SLC2A7: variants seen among roughly 807,000 people sequenced by gnomAD.
The protein encoded by SLC2A7 is solute carrier family 2, facilitated glucose transporter member 7.
A neutral mutation model predicts 50.5 loss-of-function variants in SLC2A7; 50 were observed. That is an observed-to-expected ratio of 0.99 (90% CI 0.79 to 1.25). The LOEUF is 1.25. Among genes scored for constraint, SLC2A7 ranks in the 50% most tolerant of loss-of-function variants. The pLI is 0.00. For missense variants in SLC2A7, 683 were observed against 679.1 expected (o/e 1.01, Z -0.06); for synonymous variants, 308 against 300.4 (o/e 1.03, Z -0.26).
At chr1:8,998,615 C>G (rs1439502339), downstream of SLC2A7, among the ~76,000 whole-genome samples, 1 of 152,074 alleles carries the variant, frequency 6.6e-6, no homozygotes, top group Non-Finnish European at 1.5e-5. Flanking sequence ...ATTCTAGTTT[C>G]TTTGCATTTC....
rs201609038 is a variant in SLC2A7 at position 9,020,673 on chromosome 1, C to CTT, written c.312-1341_312-1340insAA. Among the ~76,000 whole-genome samples the CTT allele has an allele frequency of 1.4e-3, 195 of 138,348 alleles. 9 individuals carry two copies. The highest frequency in any genetic ancestry group is 3.7e-3 in the East Asian group (17 of 4,626). The allele number at this position is 138,348 out of a possible 152,430, so 90.8% of individuals were successfully genotyped here. The stretch of plus-strand genomic sequence containing the variant: ...GCTGGCTGGTGCATCCTGATATTCT[C>CTT]TCTTTTTTTTTTTTTTGAGATGGAG... On this transcript the variant is annotated intron_variant, in intron 3 of 11. Transcript: ENST00000400906.
downstream of SLC2A7, among the ~76,000 whole-genome samples, chr1:9,001,512 G>A (rs757369909): frequency 6.7e-5 from 10 of 150,078 alleles, no homozygotes; most frequent in African/African-American, 1.5e-4. Flanking sequence ...TCTGCCTCTC[G>A]GGCTCAAGCA....
chr1:9,023,326 G>T (rs1045268343), intron 2 of SLC2A7, among the ~76,000 whole-genome samples: 1 of 152,224 alleles, frequency 6.6e-6, no homozygotes, highest in East Asian at 1.9e-4. Context: ...ATTTACTTTT[G>T]GCCGGACGCA....
chr1:9,010,367 CT>C (rs1020726395), intron 8 of SLC2A7, 123 bp from the exon 9 acceptor site: 437 of 749,662 alleles, frequency 5.8e-4, no homozygotes, highest in Middle Eastern at 1.2e-3. Flanking sequence ...GTCTTTCTTT[CT>C]TTTTTTTTAA....
Position 9,003,372 on chromosome 1 carries a change from A to C in SLC2A7, c.1467T>G (p.Leu489=). The change falls in exon 12 of 12, where the codon CTT becomes CTG. Residue 489 remains leucine, a synonymous_variant. Transcript: ENST00000400906. The stretch of plus-strand genomic sequence containing the variant: ...CAATGGTTTCTTCTTTCTCCTCTGG[A>C]AGCTTCACCCTGTTTCTCTTGGCAA... ...RIFAKRNRVK[L]PEEKEETIDA... 6.2e-7 allele frequency: 1 copy of C among 1,614,166 alleles called. No individual in the cohort carries two copies. The highest frequency in any genetic ancestry group is 8.5e-7 in the Non-Finnish European group (1 of 1,180,034).
At chr1:9,002,058 T>G (rs1199310029), downstream of SLC2A7, among the ~76,000 whole-genome samples, 1 of 145,262 alleles carries the variant, frequency 6.9e-6, no homozygotes, top group Non-Finnish European at 1.5e-5. Context: ...GCAGTGTGCT[T>G]GGTAAAAGTC....
rs1367853485 is a variant in SLC2A7 at position 9,008,079 on chromosome 1, C to T, written c.1117-694G>A. 6.6e-6 allele frequency among the ~76,000 whole-genome samples: 1 copy of T among 152,092 alleles called. No homozygotes were observed. Among genetic ancestry groups the T allele is most frequent in the Admixed American group, 6.6e-5 (1 of 15,256 alleles). On this transcript the variant is annotated intron_variant, in intron 9 of 11. Coordinates refer to ENST00000400906, the MANE Select transcript of SLC2A7 (RefSeq NM_207420.3). The surrounding 1 kb of genome is among the most constrained non-coding windows in gnomAD (Gnocchi z 5.9). The stretch of plus-strand genomic sequence containing the variant: ...CTGGAGACTCCTAGGACCCCCGGAC[C>T]CGTGGAGCTGGCAGACCACCATCTC...
At chr1:9,025,758 G>GGAACT (rs1640989427) in intron 1 of SLC2A7, among the ~76,000 whole-genome samples, 1 of 152,140 alleles carries the variant, frequency 6.6e-6, no homozygotes, top group Non-Finnish European at 1.5e-5. Flanking sequence ...AGCTTGGAGG[G>GGAACT]GAACTGGCCT....
Position 9,008,927 on chromosome 1 carries a change from G to A in SLC2A7, c.1116+1216C>T, listed in dbSNP as rs189846268. Reference sequence around the variant, plus strand: ...TTATACTGGTTTTAAAATTAAAGAAGAAAGTTCTTTCCGAGGGAAACTTTA... The same window carrying A: ...TTATACTGGTTTTAAAATTAAAGAAAAAAGTTCTTTCCGAGGGAAACTTTA... On this transcript the variant is annotated intron_variant, in intron 9 of 11. Transcript: ENST00000400906. This position sits in a 1 kb window ranked among gnomAD's most constrained non-coding sequence, Gnocchi z 5.9. 6.6e-6 allele frequency among the ~76,000 whole-genome samples: 1 copy of A among 152,204 alleles called. No individual in the cohort carries two copies. The highest frequency in any genetic ancestry group is 1.5e-5 in the Non-Finnish European group (1 of 68,036).
At chr1:9,010,016 C>T in intron 9 of SLC2A7, 127 bp downstream of exon 9, 1 of 794,356 alleles carries the variant, frequency 1.3e-6, no homozygotes, top group Non-Finnish European at 2.1e-6. Flanking sequence ...AAGTACTTTT[C>T]CAGGCAGGAT....
At position 9,008,114 on chromosome 1, in the gene SLC2A7, C is replaced by A. The variant is rs1361341805; in HGVS notation, c.1117-729G>T. 6.6e-6 allele frequency among the ~76,000 whole-genome samples: 1 copy of A among 152,232 alleles called. No homozygotes were observed. The highest frequency in any genetic ancestry group is 2.1e-4 in the South Asian group (1 of 4,810). On this transcript the variant is annotated intron_variant, in intron 9 of 11. Transcript: ENST00000400906. The surrounding 1 kb of genome is among the most constrained non-coding windows in gnomAD (Gnocchi z 5.9). Reference sequence around the variant, plus strand: ...GGCAGACCACCATCTCTGCTCCCAACTGCCGAGAGAACAGCCAATGCAAAA... The same window carrying A: ...GGCAGACCACCATCTCTGCTCCCAAATGCCGAGAGAACAGCCAATGCAAAA...
intron 11 of SLC2A7, among the ~76,000 whole-genome samples, chr1:9,003,793 G>C (rs1640610876): frequency 6.6e-6 from 1 of 152,170 alleles, no homozygotes; most frequent in Non-Finnish European, 1.5e-5. Context: ...AGGAGGTAGA[G>C]GTTGCAGTGA....
chr1:9,020,168 T>TG (rs1640891192), intron 3 of SLC2A7, among the ~76,000 whole-genome samples: 9 of 151,480 alleles, frequency 5.9e-5, no homozygotes, highest in Admixed American at 5.9e-4. Context: ...TTGGGGTCAG[T>TG]GGGGGTAGAA....
downstream of SLC2A7, among the ~76,000 whole-genome samples, chr1:8,999,073 T>G (rs1488972322): frequency 6.6e-6 from 1 of 152,214 alleles, no homozygotes; most frequent in African/African-American, 2.4e-5. Flanking sequence ...GGGCCTGAAG[T>G]TTTCTTCCCT....
In SLC2A7 at chr1:9,026,391, A is replaced by G. The variant is rs1227735731; in HGVS notation, c.-46T>C. 5 of 1,550,996 alleles carry G rather than the reference A, an allele frequency of 3.2e-6. No individual in the cohort carries two copies. Among genetic ancestry groups the G allele is most frequent in the Non-Finnish European group, 3.5e-6 (4 of 1,143,128 alleles). ...AGGTGTGCTCTACCTCCCAAGTGAC[A>G]CCTGCTCTGCGCCAGCCACCTAAAG... On this transcript the variant is annotated 5_prime_UTR_variant, in exon 1 of 12. Coordinates refer to ENST00000400906, the MANE Select transcript of SLC2A7 (RefSeq NM_207420.3).
At chr1:9,025,100 G>A (rs1428282904) in intron 1 of SLC2A7, 26 bp from the exon 2 acceptor site, 1 of 1,610,920 alleles carries the variant, frequency 6.2e-7, no homozygotes, top group South Asian at 1.1e-5. Context: ...CCAAGGTCGG[G>A]ACGCTGTGGG....
intron 5 of SLC2A7, among the ~76,000 whole-genome samples, chr1:9,015,682 TGC>T (rs1640819768): frequency 9.9e-5 from 15 of 151,680 alleles, no homozygotes; most frequent in Admixed American, 9.8e-4. Context: ...GGTCTCCGTC[TGC>T]CTCCCACCCC....
chr1:9,000,591 C>T (rs997688247), downstream of SLC2A7, among the ~76,000 whole-genome samples: 9 of 151,972 alleles, frequency 5.9e-5, no homozygotes, highest in African/African-American at 2.2e-4. Context: ...TGCACTCCAG[C>T]CTGGGCAACA....
intron 8 of SLC2A7, among the ~76,000 whole-genome samples, chr1:9,011,163 C>A (rs936180317): frequency 1.4e-4 from 22 of 152,254 alleles, no homozygotes; most frequent in Non-Finnish European, 1.5e-5. Flanking sequence ...GTGGGAACCA[C>A]AGTAAAGGTT....
Sources: gnomAD v4.1 joint callset for allele counts (sites outside exome capture counted in the v4.1 genomes callset) on GRCh38, gnomAD v4.1.1 for gene constraint, Gnocchi (gnomAD v3.1) non-coding constraint, MANE v1.5 for transcripts, NCBI Gene and HGNC (gene_info 2026-07-23, HGNC 2026-07-21) for gene names.